The following PI4K2A variants were observed in gnomAD, a reference collection of about 807,000 sequenced individuals.
PI4K2A encodes the protein phosphatidylinositol 4-kinase type 2 alpha, also known as phosphatidylinositol 4-kinase type 2-alpha.
In PI4K2A, 20 loss-of-function variants were observed where a neutral mutation model predicts 55.0. The observed-to-expected ratio is 0.36, with a 90% CI of 0.26 to 0.53. The LOEUF is 0.53. Among genes scored for constraint, PI4K2A ranks in the 20% least tolerant of loss-of-function variants. The pLI is 0.91. For synonymous variants in PI4K2A, 235 were observed against 258.5 expected (o/e 0.91, Z 0.87); for missense variants, 463 against 637.1 (o/e 0.73, Z 2.94).
At chr10:97,674,549 C>T (rs1334566349) in exon 9 of PI4K2A, 2 of 152,224 alleles carry the variant, frequency 1.3e-5, no homozygotes, top group Admixed American at 6.5e-5. Context: ...AAGTGATCCA[C>T]GCAGCCGGAG....
At chr10:97,652,595 C>T (rs541960063) in intron 2 of PI4K2A, among the ~76,000 whole-genome samples, 68 of 152,074 alleles carry the variant, frequency 4.5e-4, no homozygotes, top group Non-Finnish European at 9.1e-4. Context: ...GCCACCACAC[C>T]CAGCCTTAAA....
At chr10:97,675,875 G>A (rs1324653109) in exon 9 of PI4K2A, 1 of 152,672 alleles carries the variant, frequency 6.5e-6, no homozygotes, top group Non-Finnish European at 1.5e-5. Flanking sequence ...GCTTCTGAGT[G>A]GCACTCATGG....
intron 4 of PI4K2A, among the ~76,000 whole-genome samples, chr10:97,661,415 A>G (rs2041583477): frequency 6.6e-6 from 1 of 151,110 alleles, no homozygotes; most frequent in South Asian, 2.1e-4. Context: ...TTAATGTCCC[A>G]TCAGTGTTTG....
At chr10:97,661,043 G>A (rs1166421979) in intron 4 of PI4K2A, among the ~76,000 whole-genome samples, 2 of 151,514 alleles carry the variant, frequency 1.3e-5, no homozygotes, top group African/African-American at 4.9e-5. Flanking sequence ...CCAGGCTGGA[G>A]TGCAGTGGCC....
chr10:97,644,330 G>A (rs1239358933), intron 1 of PI4K2A, among the ~76,000 whole-genome samples: 1 of 151,890 alleles, frequency 6.6e-6, no homozygotes, highest in African/African-American at 2.4e-5. Flanking sequence ...CAGCCTGGGC[G>A]ACAGAGTGAG....
At chr10:97,661,076 C>T (rs1167097428) in intron 4 of PI4K2A, among the ~76,000 whole-genome samples, 1 of 152,022 alleles carries the variant, frequency 6.6e-6, no homozygotes, top group East Asian at 1.9e-4. Context: ...ACTGCAAGCT[C>T]CGCCTCCCGG....
chr10:97,651,006 C>A, exon 2 of PI4K2A: 12 of 1,613,886 alleles, frequency 7.4e-6, no homozygotes, highest in Non-Finnish European at 1.0e-5. Context: ...CTAAGTGGAC[C>A]AAGTGGCTGC....
At chr10:97,669,656 G>T (rs1485516955) in intron 8 of PI4K2A, among the ~76,000 whole-genome samples, 1 of 152,158 alleles carries the variant, frequency 6.6e-6, no homozygotes, top group South Asian at 2.1e-4. Flanking sequence ...AAAGCAAAAT[G>T]TGTGCACTAC....
intron 1 of PI4K2A, among the ~76,000 whole-genome samples, chr10:97,642,884 T>TCTTTCTTTCTTTCTTTCTTTCTTC (rs1564772365): frequency 8.3e-5 from 8 of 96,790 alleles, no homozygotes; most frequent in Non-Finnish European, 1.3e-4. Flanking sequence ...TTTCTTTCTT[T>TCTTTCTTTCTTTCTTTCTTTCTTC]CTTCCTTCCT....
intron 1 of PI4K2A, among the ~76,000 whole-genome samples, chr10:97,645,797 C>T (rs2041502351): frequency 6.6e-6 from 1 of 151,818 alleles, no homozygotes; most frequent in African/African-American, 2.4e-5. Flanking sequence ...TGGCTCATTG[C>T]AGCCTTGGCC....
In PI4K2A at chr10:97,656,908, A is replaced by G. The variant is rs2041557699; in HGVS notation, c.856A>G (p.Thr286Ala). Residue 286 changes from threonine to alanine, a missense_variant, in exon 4 of 9, where the codon ACT becomes GCT. Transcript: ENST00000370631. This position sits in a 1 kb window ranked among gnomAD's most constrained non-coding sequence, Gnocchi z 4.5. ...TGAAGCAGAACCTCTTCCTGAGAAC[A>G]CTAACCGGCAACTACTGCTCCAGTT... The G allele has an allele frequency of 7.4e-6, 12 of 1,614,168 alleles. No homozygotes were observed. In the African/African-American group the frequency reaches 8.0e-5, roughly 11 times the overall value.
At chr10:97,666,838 A>G (rs1223684789) in intron 7 of PI4K2A, among the ~76,000 whole-genome samples, 1 of 152,172 alleles carries the variant, frequency 6.6e-6, no homozygotes, top group African/African-American at 2.4e-5. Flanking sequence ...TCATTTTAAT[A>G]TGGAGCACTG....
chr10:97,641,508 A>G (rs1158281700), intron 1 of PI4K2A, among the ~76,000 whole-genome samples: 1 of 152,092 alleles, frequency 6.6e-6, no homozygotes, highest in Non-Finnish European at 1.5e-5. Context: ...CTACTGGGAC[A>G]GCTATTCGGC....
intron 4 of PI4K2A, among the ~76,000 whole-genome samples, chr10:97,660,325 TCA>T (rs1321306808): frequency 7.9e-6 from 1 of 126,324 alleles, no homozygotes; most frequent in Non-Finnish European, 1.6e-5. Context: ...AGACGGAGTC[TCA>T]CTCTGTCGCC....
At chr10:97,657,140 C>T (rs1202238871) in intron 4 of PI4K2A, among the ~76,000 whole-genome samples, 166 bp downstream of exon 4, 2 of 152,138 alleles carry the variant, frequency 1.3e-5, no homozygotes, top group Non-Finnish European at 2.9e-5. Flanking sequence ...TTATCTTACA[C>T]TCTTTCCTGG....
At chr10:97,648,521 C>CT (rs1321738432) in intron 1 of PI4K2A, among the ~76,000 whole-genome samples, 2 of 152,208 alleles carry the variant, frequency 1.3e-5, no homozygotes, top group African/African-American at 4.8e-5. Flanking sequence ...CTTTTTCTGT[C>CT]TTTAAGTAGA....
intron 8 of PI4K2A, among the ~76,000 whole-genome samples, chr10:97,668,401 A>C (rs2041619813): frequency 6.6e-6 from 1 of 152,134 alleles, no homozygotes; most frequent in Non-Finnish European, 1.5e-5. Context: ...AACATGGTGA[A>C]ACCCCATCTC....
chr10:97,655,952 T>C (rs181631228), intron 2 of PI4K2A, among the ~76,000 whole-genome samples: 152 of 152,322 alleles, frequency 1.0e-3, no homozygotes, highest in Admixed American at 2.2e-3. Context: ...CTCATGTAGT[T>C]ACAAGGTATC....
intron 1 of PI4K2A, among the ~76,000 whole-genome samples, chr10:97,646,777 G>T (rs898781234): frequency 2.0e-5 from 3 of 151,802 alleles, no homozygotes; most frequent in Non-Finnish European, 4.4e-5. Context: ...GTAATTTTTT[G>T]TTGTTGTTTG....
Sources: allele counts gnomAD v4.1 joint callset (sites outside exome capture counted in the v4.1 genomes callset), GRCh38; gene constraint gnomAD v4.1.1; non-coding constraint Gnocchi (gnomAD v3.1); transcripts MANE v1.5; gene names NCBI Gene and HGNC (gene_info 2026-07-23, HGNC 2026-07-21).